The following PARP4 variants were observed in gnomAD, a reference collection of about 807,000 sequenced individuals.
The protein encoded by PARP4 is protein mono-ADP-ribosyltransferase PARP4.
In PARP4, 120 loss-of-function variants were observed where a neutral mutation model predicts 187.7. The ratio of observed to expected loss-of-function variants is 0.64; its 90% CI spans 0.55 to 0.74. The LOEUF (loss-of-function observed/expected upper bound fraction) is 0.74, where lower values mean the gene tolerates loss of function less well. PARP4 is among the 30% of genes least tolerant of loss of function. The pLI is 0.00. For missense variants in PARP4, 1,836 were observed against 2,070.5 expected (o/e 0.89, Z 2.20); for synonymous variants, 654 against 740.9 (o/e 0.88, Z 1.90).
chr13:24,500,002 T>C (rs777071297), intron 4 of PARP4, among the ~76,000 whole-genome samples: 6 of 151,544 alleles, frequency 4.0e-5, no homozygotes, highest in African/African-American at 7.3e-5. Context: ...GTCTTTACTC[T>C]AAAGGCTGCT....
At chr13:24,450,471 G>C (rs1246937368) in intron 24 of PARP4, among the ~76,000 whole-genome samples, 3 of 148,560 alleles carry the variant, frequency 2.0e-5, no homozygotes, top group Non-Finnish European at 4.5e-5. Flanking sequence ...TATGGATAAA[G>C]ATGGATTTGT....
At chr13:24,454,724 ATCC>A (rs1871727288) in intron 22 of PARP4, among the ~76,000 whole-genome samples, 1 of 152,154 alleles carries the variant, frequency 6.6e-6, no homozygotes, top group Non-Finnish European at 1.5e-5. Flanking sequence ...CATTAGCTCA[ATCC>A]TCCTCACAGC....
At position 24,434,695 on chromosome 13, in the gene PARP4, A is replaced by C. The variant is rs1248763325; in HGVS notation, c.4446T>G (p.Ala1482=). 3 of 1,614,176 alleles carry C rather than the reference A, an allele frequency of 1.9e-6. No individual in the cohort carries two copies. The highest frequency in any genetic ancestry group is 1.3e-5 in the African/African-American group (1 of 75,032). Residue 1482 remains alanine (A), a synonymous_variant, in exon 31 of 34, where the codon GCT becomes GCG. Transcript: ENST00000381989. ...ACTGACTGCAAAGAGCCTCAGGTAA[A>C]GCAGAGGCCATTGGCAGCCTAAGGT... The part of the protein sequence containing the change: ...TANLRLPMAS[A]LPEALCSQSR...
Position 24,440,419 on chromosome 13 carries a change from TAAA to T in PARP4, c.3666+1424_3666+1426del, listed in dbSNP as rs71070698. ...TCTCAAAAAAAAAAAAAATTAAAATTAAAAAAAAAAAAAAAAAAAGAAATCAAG... is the reference window on the plus strand; with the variant it reads ...TCTCAAAAAAAAAAAAAATTAAAATTAAAAAAAAAAAAAAAAGAAATCAAG... On this transcript the variant is annotated intron_variant, in intron 30 of 33. Coordinates refer to ENST00000381989, the MANE Select transcript of PARP4 (RefSeq NM_006437.4). Among the ~76,000 whole-genome samples the T allele has an allele frequency of 1.4e-3, 177 of 126,198 alleles. 2 individuals carry two copies. The East Asian group carries it at 0.02, about 15-fold the overall frequency. The allele number at this position is 126,198 out of a possible 152,430, so 82.8% of individuals were successfully genotyped here. A position where few individuals can be genotyped will look rare whatever the true frequency, so the allele number is the denominator to read the frequency against.
rs780266211 is a variant in PARP4 at position 24,477,824 on chromosome 13, C to T, written c.1666G>A (p.Val556Ile). The T allele has an allele frequency of 6.3e-7, 1 of 1,581,858 alleles. No individual in the cohort carries two copies. Among genetic ancestry groups the T allele is most frequent in the African/African-American group, 1.4e-5 (1 of 73,468 alleles). ...DEFVVYKTNQ[V>I]KMKYIIKFSM... The stretch of plus-strand genomic sequence containing the variant: ...AATTTAATAATATATTTCATTTTAA[C>T]CTGATTGGTTTTATAGACAACAAAT... The change falls in exon 14 of 34, where the codon GTT becomes ATT. Residue 556 changes from valine (V) to isoleucine (I), a missense_variant. Val to Ile is a conservative substitution (Grantham distance 29). Coordinates refer to ENST00000381989, the MANE Select transcript of PARP4 (RefSeq NM_006437.4).
chr13:24,481,101 T>A (rs192604465), intron 12 of PARP4, among the ~76,000 whole-genome samples: 68 of 152,322 alleles, frequency 4.5e-4, no homozygotes, highest in Non-Finnish European at 9.4e-4. Flanking sequence ...CCTAGGGCCC[T>A]TAAGAATTGC....
chr13:24,468,028 C>G (rs1872559225), intron 17 of PARP4, among the ~76,000 whole-genome samples: 1 of 152,086 alleles, frequency 6.6e-6, no homozygotes, highest in Non-Finnish European at 1.5e-5. Context: ...CTTGAATGTG[C>G]CCCTAGCCCC....
chr13:24,435,477 G>T lies in PARP4; in HGVS notation c.3667-3C>A, dbSNP rs769079004. 7 of 1,566,110 alleles carry T rather than the reference G, an allele frequency of 4.5e-6. No individual in the cohort carries two copies. The South Asian group carries it at 6.0e-5, about 13-fold the overall frequency. On this transcript the variant is annotated splice_polypyrimidine_tract_variant and splice_region_variant and intron_variant, in intron 30 of 33. Transcript: ENST00000381989. Reference sequence around the variant, plus strand: ...CACTCAGAGGATGCTAAAAGAGACTGCCCAGAAGACAGAATTATTAACGTA... The same window carrying T: ...CACTCAGAGGATGCTAAAAGAGACTTCCCAGAAGACAGAATTATTAACGTA...
At chr13:24,452,362 C>G (rs1360485173) in intron 24 of PARP4, 44 bp downstream of exon 24, 19 of 1,501,598 alleles carry the variant, frequency 1.3e-5, no homozygotes, top group Non-Finnish European at 1.6e-5. Flanking sequence ...ACAAGACGAC[C>G]TCCCCGTGGG....
At chr13:24,448,846 C>T (rs188059419) in intron 25 of PARP4, among the ~76,000 whole-genome samples, 1 of 152,300 alleles carries the variant, frequency 6.6e-6, no homozygotes, top group Non-Finnish European at 1.5e-5. Context: ...AAACATCATG[C>T]TAAGTGAAAT....
chr13:24,457,761 A>C (rs1871945616), intron 20 of PARP4, among the ~76,000 whole-genome samples: 1 of 132,328 alleles, frequency 7.6e-6, no homozygotes, highest in Non-Finnish European at 1.6e-5. Context: ...ACAGAGTAAG[A>C]CTCTGTCTCA....
intron 25 of PARP4, among the ~76,000 whole-genome samples, chr13:24,448,545 G>C (rs567623871): frequency 1.8e-4 from 28 of 151,790 alleles, no homozygotes; most frequent in African/African-American, 6.0e-4. Context: ...TGATGCAGCT[G>C]CTATGGAAGA....
chr13:24,450,086 G>A (rs538208027), intron 24 of PARP4, among the ~76,000 whole-genome samples: 70 of 152,132 alleles, frequency 4.6e-4, no homozygotes, highest in African/African-American at 1.5e-3. Context: ...CCTGAGGGAG[G>A]GAGTAGATGA....
At chr13:24,436,514 A>C (rs1218380403) in intron 30 of PARP4, among the ~76,000 whole-genome samples, 1 of 151,870 alleles carries the variant, frequency 6.6e-6, no homozygotes, top group Non-Finnish European at 1.5e-5. Context: ...CATTATGTTG[A>C]CCAGACTGGT....
At chr13:24,511,023 AGCCATCCTCCTGC>A (rs1869989065) in intron 1 of PARP4, among the ~76,000 whole-genome samples, 1 of 152,172 alleles carries the variant, frequency 6.6e-6, no homozygotes, top group Admixed American at 6.5e-5. Flanking sequence ...CCTGGGCTCA[AGCCATCCTCCTGC>A]CTCAGCCTCC....
intron 5 of PARP4, 96 bp downstream of exon 5, chr13:24,499,205 A>C: frequency 7.4e-7 from 1 of 1,354,916 alleles, no homozygotes; most frequent in Non-Finnish European, 9.7e-7. Context: ...AATTTTTCAA[A>C]ACAATGAGAA....
intron 12 of PARP4, 124 bp from the exon 13 acceptor site, chr13:24,478,400 C>T: frequency 1.8e-6 from 1 of 543,808 alleles, no homozygotes; most frequent in South Asian, 3.9e-5. Context: ...TCTCCAAAGA[C>T]TCAATTTAGA....
chr13:24,501,442 T>C (rs1869275075), intron 3 of PARP4, among the ~76,000 whole-genome samples, 191 bp downstream of exon 3: 1 of 152,238 alleles, frequency 6.6e-6, no homozygotes, highest in Non-Finnish European at 1.5e-5. Flanking sequence ...CTAGGCTAGA[T>C]ATCAAGAAAT....
At chr13:24,487,378 C>T (rs549985089) in intron 10 of PARP4, among the ~76,000 whole-genome samples, 1 of 152,188 alleles carries the variant, frequency 6.6e-6, no homozygotes, top group African/African-American at 2.4e-5. Context: ...GAATGTGGCA[C>T]CATAAAATGT....
Sources: allele counts gnomAD v4.1 joint callset (sites outside exome capture counted in the v4.1 genomes callset), GRCh38; gene constraint gnomAD v4.1.1; transcripts MANE v1.5; gene names NCBI Gene and HGNC (gene_info 2026-07-23, HGNC 2026-07-21).